The following KLHL20 variants were observed in gnomAD, a reference collection of about 807,000 sequenced individuals.
KLHL20 encodes kelch-like protein 20.
KLHL20 carries 29 observed loss-of-function variants against 69.5 expected under a neutral mutation model. The ratio of observed to expected loss-of-function variants is 0.42; its 90% CI spans 0.31 to 0.57. The LOEUF (loss-of-function observed/expected upper bound fraction) is 0.57. Among genes scored for constraint, KLHL20 ranks in the 20% least tolerant of loss-of-function variants. The pLI, the probability that KLHL20 is intolerant of heterozygous loss-of-function variation, is 0.18. For missense variants in KLHL20, 419 were observed against 776.0 expected, an observed-to-expected ratio of 0.54 and a Z score of 5.47; for synonymous variants, 253 against 265.2, an observed-to-expected ratio of 0.95 and a Z score of 0.45.
rs1167844226 is a variant in KLHL20, at chr1:173,774,492, A to C, written c.1429+54A>C. ...CCCCAAAAGCAGAACATTTTCCTGG[A>C]GAGTCCTCCTACAAAACGTGTAGAA... On this transcript the variant is annotated intron_variant, in intron 9 of 11. Transcript: ENST00000209884. The C allele has an allele frequency of 6.1e-5, 97 of 1,599,112 alleles. 1 individual carries two copies. The East Asian group carries it at 2.1e-3, about 35-fold the overall frequency.
At chr1:173,730,768 T>A (rs568412843) in intron 2 of KLHL20, among the ~76,000 whole-genome samples, 4 of 152,260 alleles carry the variant, frequency 2.6e-5, no homozygotes, top group African/African-American at 7.2e-5. Flanking sequence ...ATAAAAACCC[T>A]AGAAGAAAAC....
At chr1:173,774,089 A>G (rs1009142923) in intron 8 of KLHL20, among the ~76,000 whole-genome samples, 1 of 152,038 alleles carries the variant, frequency 6.6e-6, no homozygotes, top group African/African-American at 2.4e-5. Flanking sequence ...TCCTTGGGAC[A>G]TTTTCCAAGT....
At position 173,745,698 on chromosome 1, in the gene KLHL20, A is replaced by G. The variant is rs374881084; in HGVS notation, c.598-6066A>G. ...TTCCTTTCCAATTGTTCATGCTTCT[A>G]ATTGTTTTCTTTTGTCTAGTTGCTT... On this transcript the variant is annotated intron_variant, in intron 3 of 11. Coordinates refer to ENST00000209884, the MANE Select transcript of KLHL20 (RefSeq NM_014458.4). Among the ~76,000 whole-genome samples, 15 of 152,100 alleles carry G rather than the reference A, an allele frequency of 9.9e-5. No homozygotes were observed. In the East Asian group the frequency reaches 1.9e-3, roughly 20 times the overall value.
chr1:173,715,883 G>A, intron 1 of KLHL20, 120 bp from the exon 2 acceptor site: 2 of 654,382 alleles, frequency 3.1e-6, no homozygotes, highest in South Asian at 4.5e-5. Flanking sequence ...GAAGGCCTGT[G>A]GTATAATAGG....
chr1:173,748,400 A>G (rs1189332425), intron 3 of KLHL20, among the ~76,000 whole-genome samples: 1 of 152,178 alleles, frequency 6.6e-6, no homozygotes, highest in Admixed American at 6.5e-5. Context: ...TTAGTAAATT[A>G]ATTCCAACAA....
At chr1:173,773,614 TACA>T (rs2102530522) in intron 8 of KLHL20, among the ~76,000 whole-genome samples, 1 of 152,082 alleles carries the variant, frequency 6.6e-6, no homozygotes, top group South Asian at 2.1e-4. Flanking sequence ...TCACCCCCAC[TACA>T]ACGACTAGGA....
At chr1:173,748,010 A>T (rs930793752) in intron 3 of KLHL20, among the ~76,000 whole-genome samples, 1 of 151,984 alleles carries the variant, frequency 6.6e-6, no homozygotes, top group Admixed American at 6.5e-5. Context: ...TTCTTTATAC[A>T]TAAGAAGGAT....
At chr1:173,774,007 C>G (rs1648284500) in intron 8 of KLHL20, among the ~76,000 whole-genome samples, 1 of 116,184 alleles carries the variant, frequency 8.6e-6, no homozygotes, top group Non-Finnish European at 1.7e-5. Flanking sequence ...GACCAAGACT[C>G]CATCTCAAAA....
At chr1:173,783,045 T>C (rs139394165) in intron 11 of KLHL20, among the ~76,000 whole-genome samples, 1 of 152,310 alleles carries the variant, frequency 6.6e-6, no homozygotes, top group East Asian at 1.9e-4. Flanking sequence ...GAACTTAAAA[T>C]GCAAAACACA....
chr1:173,733,695 C>T lies in KLHL20; in HGVS notation c.24-18C>T, dbSNP rs2102471610. 1.3e-6 allele frequency: 2 copies of T among 1,559,162 alleles called. No individual in the cohort carries two copies. Among genetic ancestry groups the T allele is most frequent in the Non-Finnish European group, 1.8e-6 (2 of 1,141,038 alleles). ...AATAATACTGCCATCTTCTCTCTCT[C>T]CCCCATCATTCCTATAGGTGTACCA... On this transcript the variant is annotated intron_variant, in intron 2 of 11. Transcript: ENST00000209884.
intron 2 of KLHL20, among the ~76,000 whole-genome samples, chr1:173,726,548 A>G (rs1293373649): frequency 2.0e-5 from 3 of 152,158 alleles, no homozygotes; most frequent in Non-Finnish European, 4.4e-5. Context: ...CTCTGAGGCA[A>G]AACTTCCAGA....
intron 2 of KLHL20, among the ~76,000 whole-genome samples, chr1:173,724,126 T>C (rs1016765810): frequency 2.0e-5 from 3 of 151,708 alleles, no homozygotes; most frequent in Admixed American, 6.6e-5. Context: ...AAAAATTCTT[T>C]TATATATATA....
chr1:173,726,151 A>G (rs888215287), intron 2 of KLHL20, among the ~76,000 whole-genome samples: 1 of 152,154 alleles, frequency 6.6e-6, no homozygotes, highest in Non-Finnish European at 1.5e-5. Flanking sequence ...ACTCATTGCT[A>G]GCACAGCAGT....
chr1:173,753,396 T>C, intron 5 of KLHL20, 89 bp downstream of exon 5: 1 of 962,028 alleles, frequency 1.0e-6, no homozygotes, highest in South Asian at 1.4e-5. Context: ...CTAAATATTG[T>C]ATTTTGCAGA....
At chr1:173,782,631 T>C (rs1317964675) in intron 11 of KLHL20, among the ~76,000 whole-genome samples, 2 of 152,108 alleles carry the variant, frequency 1.3e-5, no homozygotes, top group African/African-American at 4.8e-5. Flanking sequence ...GGGAAACCTA[T>C]GCCTAGGAGA....
At chr1:173,766,989 A>G (rs1413964555) in intron 8 of KLHL20, among the ~76,000 whole-genome samples, 1 of 152,154 alleles carries the variant, frequency 6.6e-6, no homozygotes. Context: ...GTTGTACATT[A>G]GAGCTCTTGA....
chr1:173,726,179 A>T (rs1254823984), intron 2 of KLHL20, among the ~76,000 whole-genome samples: 3 of 152,108 alleles, frequency 2.0e-5, no homozygotes, highest in Admixed American at 2.0e-4. Flanking sequence ...CACACTGTAA[A>T]GCAGCAGCGA....
At chr1:173,782,943 G>C (rs1235125520) in intron 11 of KLHL20, among the ~76,000 whole-genome samples, 1 of 152,056 alleles carries the variant, frequency 6.6e-6, no homozygotes, top group East Asian at 1.9e-4. Flanking sequence ...AAATAATTAA[G>C]TCTAAATCTT....
chr1:173,745,074 A>C (rs1024617814), intron 3 of KLHL20, among the ~76,000 whole-genome samples: 2 of 151,866 alleles, frequency 1.3e-5, no homozygotes, highest in South Asian at 4.2e-4. Context: ...GAGTTGTCCT[A>C]TCCAATAACA....
Sources: allele counts gnomAD v4.1 joint callset (sites outside exome capture counted in the v4.1 genomes callset), GRCh38; gene constraint gnomAD v4.1.1; transcripts MANE v1.5; gene names NCBI Gene and HGNC (gene_info 2026-07-23, HGNC 2026-07-21).